Variants in SAMD4A observed in about 807,000 individuals in gnomAD.
SAMD4A encodes protein Smaug homolog 1.
Under a neutral mutation model 81.3 loss-of-function variants are expected in SAMD4A, and 33 were observed. The observed-to-expected ratio is 0.41, with a 90% CI of 0.31 to 0.54. SAMD4A has a LOEUF of 0.54. Ranked by LOEUF, SAMD4A falls within the 20% of genes least tolerant of loss-of-function variation. The pLI, the probability that SAMD4A is intolerant of heterozygous loss-of-function variation, is 0.37. For missense variants in SAMD4A, 854 were observed against 951.1 expected (o/e 0.90, Z 1.34); for synonymous variants, 389 against 382.1 (o/e 1.02, Z -0.21).
In SAMD4A at chr14:54,604,566, C is replaced by T. The variant is rs190101021; in HGVS notation, c.196+36454C>T. 1.5e-3 allele frequency among the ~76,000 whole-genome samples: 222 copies of T among 152,266 alleles called. 2 individuals carry two copies. Among genetic ancestry groups the T allele is most frequent in the South Asian group, 3.9e-3 (19 of 4,814 alleles). On this transcript the variant is annotated intron_variant, in intron 2 of 12. Transcript: ENST00000554335. ...ACGTACAATTTTATTCCTGGGACGT[C>T]GTTGGAAAACCATTATATTAGATGA... is the stretch of plus-strand genomic sequence containing the variant.
chr14:54,760,382 G>A lies in SAMD4A; in HGVS notation c.1398G>A (p.Gly466=). 2.0e-6 allele frequency: 3 copies of A among 1,517,934 alleles called. No homozygotes were observed. Among genetic ancestry groups the A allele is most frequent in the South Asian group, 2.5e-5 (2 of 79,558 alleles). 94.0% of individuals were successfully genotyped at this position (1,517,934 alleles called of 1,614,324 possible). A position where few individuals can be genotyped will look rare whatever the true frequency, so the allele number is the denominator to read the frequency against. The change falls in exon 7 of 13, where the codon GGG becomes GGA. Residue 466 remains glycine, a synonymous_variant. Transcript: ENST00000554335. The part of the protein sequence containing the change: ...ATGATATPSA[G]ASGGLQPHQL... ...GCGCCACGGCCACCCCCTCGGCCGG[G>A]GCCAGCGGGGGGCTCCAGCCGCACC...
At position 54,702,190 on chromosome 14, in the gene SAMD4A, C is replaced by T. The variant is rs772517370; in HGVS notation, c.325C>T (p.Leu109=). 1 of 1,614,170 alleles carries T rather than the reference C, an allele frequency of 6.2e-7. No homozygotes were observed. Among genetic ancestry groups the T allele is most frequent in the Non-Finnish European group, 8.5e-7 (1 of 1,180,024 alleles). The part of the protein sequence containing the change: ...VEYMKLLPKI[L]AHSIEHNQHI... The stretch of plus-strand genomic sequence containing the variant: ...ATATATGAAACTGCTGCCCAAAATC[C>T]TGGCTCACTCTATTGAACACAACCA... Residue 109 remains leucine (L), a synonymous_variant, in exon 3 of 13, where the codon CTG becomes TTG. Transcript: ENST00000554335.
At chr14:54,586,638 A>G (rs570742933) in intron 2 of SAMD4A, among the ~76,000 whole-genome samples, 1 of 152,102 alleles carries the variant, frequency 6.6e-6, no homozygotes, top group Non-Finnish European at 1.5e-5. Context: ...TCGTTTTTCT[A>G]CATGTGGCTT....
At chr14:54,747,658 C>T (rs1277679956) in intron 4 of SAMD4A, among the ~76,000 whole-genome samples, 1 of 152,208 alleles carries the variant, frequency 6.6e-6, no homozygotes, top group Admixed American at 6.5e-5. Flanking sequence ...AAGTAGTTTA[C>T]AGCCACTGTT....
At chr14:54,670,874 A>G (rs1159205760) in intron 2 of SAMD4A, among the ~76,000 whole-genome samples, 1 of 152,348 alleles carries the variant, frequency 6.6e-6, no homozygotes, top group East Asian at 1.9e-4. Context: ...ACAAAAGTAA[A>G]TATAAACATT....
intron 2 of SAMD4A, among the ~76,000 whole-genome samples, chr14:54,607,542 G>A (rs955543495): frequency 1.3e-4 from 20 of 150,030 alleles, no homozygotes; most frequent in Admixed American, 6.7e-4. Context: ...TGCAAGCTCC[G>A]CCTCCTGGGT....
At chr14:54,661,746 G>T (rs2140470043) in intron 2 of SAMD4A, among the ~76,000 whole-genome samples, 1 of 152,214 alleles carries the variant, frequency 6.6e-6, no homozygotes, top group South Asian at 2.1e-4. Context: ...TGGATGACTT[G>T]CCCCAAACCC....
At chr14:54,602,640 C>A (rs1012479395) in intron 2 of SAMD4A, among the ~76,000 whole-genome samples, 29 of 151,328 alleles carry the variant, frequency 1.9e-4, no homozygotes, top group Non-Finnish European at 2.7e-4. Flanking sequence ...CACACCGGGG[C>A]CTGTTGTGGG....
At chr14:54,755,823 G>A (rs1370996918) in intron 6 of SAMD4A, among the ~76,000 whole-genome samples, 1 of 152,170 alleles carries the variant, frequency 6.6e-6, no homozygotes, top group African/African-American at 2.4e-5. Context: ...TAATGAAAAT[G>A]TTTCCATGTG....
At chr14:54,635,330 C>A (rs759654778) in intron 2 of SAMD4A, among the ~76,000 whole-genome samples, 8 of 148,298 alleles carry the variant, frequency 5.4e-5, no homozygotes, top group Non-Finnish European at 4.4e-5. Context: ...GAGGCTGAGG[C>A]AGGAGAATCA....
intron 2 of SAMD4A, among the ~76,000 whole-genome samples, chr14:54,590,798 A>G (rs1427295628): frequency 1.3e-5 from 2 of 152,188 alleles, no homozygotes; most frequent in African/African-American, 4.8e-5. Flanking sequence ...AGCTTTTTTC[A>G]GAAGTAGCCA....
At chr14:54,658,576 A>G (rs1006248134) in intron 2 of SAMD4A, among the ~76,000 whole-genome samples, 7 of 152,168 alleles carry the variant, frequency 4.6e-5, no homozygotes, top group African/African-American at 1.7e-4. Flanking sequence ...TCCTGCTCCA[A>G]GTAGCCAGCT....
At chr14:54,602,220 A>G (rs188261551) in intron 2 of SAMD4A, among the ~76,000 whole-genome samples, 6 of 152,194 alleles carry the variant, frequency 3.9e-5, no homozygotes, top group Non-Finnish European at 5.9e-5. Context: ...CCTTAGGATT[A>G]ACTGGGAAAT....
At chr14:54,621,395 G>T (rs986039976) in intron 2 of SAMD4A, among the ~76,000 whole-genome samples, 1 of 150,698 alleles carries the variant, frequency 6.6e-6, no homozygotes, top group Non-Finnish European at 1.5e-5. Flanking sequence ...TGTCCCCCAG[G>T]CTGGAGTGCA....
chr14:54,604,249 A>G (rs2034139207), intron 2 of SAMD4A, among the ~76,000 whole-genome samples: 1 of 152,244 alleles, frequency 6.6e-6, no homozygotes, highest in African/African-American at 2.4e-5. Context: ...GCTGGAATCC[A>G]CCACCAAGAA....
intron 3 of SAMD4A, among the ~76,000 whole-genome samples, chr14:54,715,103 G>A (rs1007651436): frequency 7.2e-5 from 11 of 152,010 alleles, no homozygotes; most frequent in African/African-American, 2.4e-4. Context: ...TTATCCTTAA[G>A]TAACAGAATA....
chr14:54,737,442 C>T (rs2037724150), intron 4 of SAMD4A, among the ~76,000 whole-genome samples, 155 bp downstream of exon 4: 1 of 152,024 alleles, frequency 6.6e-6, no homozygotes, highest in Non-Finnish European at 1.5e-5. Flanking sequence ...TCCAGGTTGA[C>T]CATGGCAGAA....
intron 2 of SAMD4A, among the ~76,000 whole-genome samples, chr14:54,700,613 C>T (rs1006058774): frequency 4.6e-5 from 7 of 152,148 alleles, no homozygotes; most frequent in African/African-American, 1.4e-4. Flanking sequence ...CAGGACTGTC[C>T]AGCCCTAGCC....
chr14:54,709,079 C>T (rs2036925655), intron 3 of SAMD4A, among the ~76,000 whole-genome samples: 1 of 152,130 alleles, frequency 6.6e-6, no homozygotes, highest in African/African-American at 2.4e-5. Context: ...GAGTTCCAGA[C>T]CAGCCTGGGC....
Sources: allele counts gnomAD v4.1 joint callset (sites outside exome capture counted in the v4.1 genomes callset), GRCh38; gene constraint gnomAD v4.1.1; transcripts MANE v1.5; gene names NCBI Gene and HGNC (gene_info 2026-07-23, HGNC 2026-07-21).